The following MYOF variants were observed in gnomAD, a reference collection of about 807,000 sequenced individuals.
The protein encoded by MYOF is fer-1-like 3, myoferlin.
MYOF carries 244 observed loss-of-function variants against 284.2 expected under a neutral mutation model. The ratio of observed to expected loss-of-function variants is 0.86; its 90% CI spans 0.77 to 0.95. The LOEUF (loss-of-function observed/expected upper bound fraction) is 0.95, where lower values mean the gene tolerates loss of function less well. Among genes scored for constraint, MYOF ranks in the 40% least tolerant of loss-of-function variants. The pLI is 0.00. For missense variants in MYOF, 2,496 were observed against 2,560.6 expected (o/e 0.97, Z 0.54); for synonymous variants, 904 against 919.7 (o/e 0.98, Z 0.31).
At position 93,343,928 on chromosome 10, in the gene MYOF, G is replaced by C; in HGVS notation, c.4254C>G (p.Ser1418=). The part of the protein sequence containing the change: ...KEDIVPQLKA[S]LLSAPPCRDI... ...CCCGGCATGGTGGGGCAGACAGAAG[G>C]GAGGCTGCAAGACAAATACTTTCTT... Residue 1418 remains serine, a synonymous_variant, in exon 38 of 54, where the codon TCC becomes TCG. Transcript: ENST00000359263. The C allele has an allele frequency of 6.2e-7, 1 of 1,614,112 alleles. No homozygotes were observed. The highest frequency in any genetic ancestry group is 2.2e-5 in the East Asian group (1 of 44,886).
chr10:93,430,389 C>T (rs12265455), intron 4 of MYOF, among the ~76,000 whole-genome samples: 1 of 151,602 alleles, frequency 6.6e-6, no homozygotes, highest in African/African-American at 2.4e-5. Flanking sequence ...CGAGACCAGC[C>T]TAACCAATAT....
At chr10:93,479,226 C>T (rs1244447487) in intron 1 of MYOF, among the ~76,000 whole-genome samples, 3 of 151,862 alleles carry the variant, frequency 2.0e-5, no homozygotes, top group South Asian at 2.1e-4. Flanking sequence ...CTGGAACCTC[C>T]GCCTCCCAGG....
chr10:93,426,080 C>A lies in MYOF; in HGVS notation c.424G>T (p.Gly142Cys), dbSNP rs1175286423. ...AGAAGGGTCAGCTTACCTCCCATGCCTGGCACGCTGGGCCCGCTCAGGTCA... is the reference window on the plus strand; with the variant it reads ...AGAAGGGTCAGCTTACCTCCCATGCATGGCACGCTGGGCCCGCTCAGGTCA... ...PNDLSGPSVP[G>C]MGGDGEEDEG... Residue 142 changes from glycine to cysteine, a missense_variant, in exon 5 of 54, where the codon GGC becomes TGC. This residue lies in a region of MYOF where 2,436 missense variants were observed against 2,480.7 expected (regional missense o/e 0.98). Transcript: ENST00000359263. 4.5e-6 allele frequency: 7 copies of A among 1,555,348 alleles called. No homozygotes were observed. Among genetic ancestry groups the A allele is most frequent in the Non-Finnish European group, 6.1e-6 (7 of 1,149,132 alleles).
chr10:93,325,829 G>C lies in MYOF; in HGVS notation c.5268C>G (p.Ser1756=). ...CAAGGGAGGGAAGGCCCTTTACCTGGGAAATGTTGGGCTGGAAGGTGCTGT... is the reference window on the plus strand; with the variant it reads ...CAAGGGAGGGAAGGCCCTTTACCTGCGAAATGTTGGGCTGGAAGGTGCTGT... ...TLHSTFQPNI[S]QGKLQMWVDV... is the part of the protein sequence containing the mutation. The change falls in exon 46 of 54, where the codon TCC becomes TCG. Residue 1756 remains serine, a synonymous_variant. Coordinates refer to ENST00000359263, the MANE Select transcript of MYOF (RefSeq NM_013451.4). 1 of 1,612,118 alleles carries C rather than the reference G, an allele frequency of 6.2e-7. No individual in the cohort carries two copies. Among genetic ancestry groups the C allele is most frequent in the Non-Finnish European group, 8.5e-7 (1 of 1,179,258 alleles).
rs188951344 is a variant in MYOF at position 93,459,890 on chromosome 10, C to T, written c.89-2953G>A. On this transcript the variant is annotated intron_variant, in intron 1 of 53. Coordinates refer to ENST00000359263, the MANE Select transcript of MYOF (RefSeq NM_013451.4). ...GTACCACCAATCTCCCTCTACCTTA[C>T]CACTACCCTGCTCCCATAACCGGGG... 2.0e-3 allele frequency among the ~76,000 whole-genome samples: 310 copies of T among 152,298 alleles called. 1 individual carries two copies. The highest frequency in any genetic ancestry group is 2.9e-3 in the Non-Finnish European group (195 of 68,026).
chr10:93,350,616 C>T (rs1181024592), intron 35 of MYOF, among the ~76,000 whole-genome samples: 2 of 152,132 alleles, frequency 1.3e-5, no homozygotes, highest in Non-Finnish European at 2.9e-5. Flanking sequence ...TCCAGCCCAC[C>T]TGTAAACTTC....
rs776838615 is a variant in MYOF, at chr10:93,327,472, C to A, written c.5131+1291G>T. On this transcript the variant is annotated intron_variant, in intron 45 of 53. Coordinates refer to ENST00000359263, the MANE Select transcript of MYOF (RefSeq NM_013451.4). The stretch of plus-strand genomic sequence containing the variant: ...GCCAGAACTGTTCACCTGAGCCCGT[C>A]CTGAATTCCTGACCCCGCAAAACTG... Among the ~76,000 whole-genome samples, 8 of 152,070 alleles carry A rather than the reference C, an allele frequency of 5.3e-5. 1 individual carries two copies. Among genetic ancestry groups the A allele is most frequent in the African/African-American group, 9.7e-5 (4 of 41,320 alleles).
chr10:93,402,370 G>C, intron 10 of MYOF, 23 bp from the exon 11 acceptor site: 1 of 1,562,480 alleles, frequency 6.4e-7, no homozygotes, highest in Non-Finnish European at 8.8e-7. Context: ...AGGAGTAAAA[G>C]GAAATGGACA....
intron 7 of MYOF, among the ~76,000 whole-genome samples, chr10:93,406,179 G>T (rs970239039): frequency 6.7e-6 from 1 of 149,418 alleles, no homozygotes; most frequent in African/African-American, 2.4e-5. Context: ...GGCTGGTCTT[G>T]AACTCCTGAT....
intron 3 of MYOF, among the ~76,000 whole-genome samples, chr10:93,438,288 C>T (rs113629281): frequency 1.3e-3 from 197 of 152,280 alleles, no homozygotes; most frequent in African/African-American, 4.6e-3. Flanking sequence ...GTCTCCGTTG[C>T]AGGGGTCACT....
chr10:93,307,625 A>ATTT (rs141377552), intron 53 of MYOF, among the ~76,000 whole-genome samples: 11 of 128,656 alleles, frequency 8.5e-5, no homozygotes, highest in African/African-American at 2.4e-4. Context: ...AACCAATAGA[A>ATTT]TTTTTTTTTT....
intron 41 of MYOF, among the ~76,000 whole-genome samples, chr10:93,334,564 G>A (rs1843510148): frequency 6.6e-6 from 1 of 152,132 alleles, no homozygotes. Flanking sequence ...TATCTCCAGG[G>A]CCTAACACAG....
At chr10:93,382,656 T>C (rs1846179079) in intron 19 of MYOF, among the ~76,000 whole-genome samples, 1 of 152,144 alleles carries the variant, frequency 6.6e-6, no homozygotes, top group Admixed American at 6.5e-5. Flanking sequence ...TGAATCCATA[T>C]CCTGCCCCAA....
At chr10:93,467,567 A>G (rs548055538) in intron 1 of MYOF, among the ~76,000 whole-genome samples, 1 of 152,178 alleles carries the variant, frequency 6.6e-6, no homozygotes, top group Non-Finnish European at 1.5e-5. Flanking sequence ...TCAGTATGGC[A>G]ATTCCTCAGG....
At chr10:93,411,655 G>A (rs1847905779) in intron 5 of MYOF, among the ~76,000 whole-genome samples, 1 of 152,148 alleles carries the variant, frequency 6.6e-6, no homozygotes, top group South Asian at 2.1e-4. Context: ...TGAGGAAGAG[G>A]CAGCCACAAG....
Position 93,387,064 on chromosome 10 carries a change from C to T in MYOF, c.1698+733G>A, listed in dbSNP as rs144890826. 5.3e-3 allele frequency among the ~76,000 whole-genome samples: 812 copies of T among 152,314 alleles called. 8 individuals carry two copies. Among genetic ancestry groups the T allele is most frequent in the African/African-American group, 0.019 (779 of 41,566 alleles). ...TGAGAATAGCCACATTTCGCAACCA[C>T]GTTGTCACCCTTTTTACTGTATTTT... is the stretch of plus-strand genomic sequence containing the variant. On this transcript the variant is annotated intron_variant, in intron 19 of 53. Coordinates refer to ENST00000359263, the MANE Select transcript of MYOF (RefSeq NM_013451.4).
chr10:93,355,625 C>T lies in MYOF; in HGVS notation c.3403+3G>A. 2 of 1,594,506 alleles carry T rather than the reference C, an allele frequency of 1.3e-6. No homozygotes were observed. The highest frequency in any genetic ancestry group is 1.7e-6 in the Non-Finnish European group (2 of 1,166,956). On this transcript the variant is annotated splice_donor_region_variant and intron_variant, in intron 31 of 53. Transcript: ENST00000359263. ...AATAAATCAAAAATAAAACAAAACTCACTGTCAAAATTGCAGGAAACAATG... is the reference window on the plus strand; with the variant it reads ...AATAAATCAAAAATAAAACAAAACTTACTGTCAAAATTGCAGGAAACAATG...
intron 3 of MYOF, among the ~76,000 whole-genome samples, chr10:93,443,267 A>T (rs2134267955): frequency 6.6e-6 from 1 of 152,266 alleles, no homozygotes; most frequent in African/African-American, 2.4e-5. Flanking sequence ...TACCTACATT[A>T]GGGAGGCAAA....
chr10:93,476,460 C>T (rs2057266400), intron 1 of MYOF, among the ~76,000 whole-genome samples: 1 of 151,604 alleles, frequency 6.6e-6, no homozygotes, highest in Non-Finnish European at 1.5e-5. Context: ...CCATGTTGGC[C>T]AGGAAGTTAC....
Sources: gnomAD v4.1 joint callset for allele counts (sites outside exome capture counted in the v4.1 genomes callset) on GRCh38, gnomAD v4.1.1 for gene constraint, gnomAD v4.1.1 regional missense constraint, MANE v1.5 for transcripts, NCBI Gene and HGNC (gene_info 2026-07-23, HGNC 2026-07-21) for gene names.